Variants in THSD7A observed in about 807,000 individuals in gnomAD.
THSD7A encodes the protein thrombospondin type 1 domain containing 7A.
THSD7A carries 96 observed loss-of-function variants against 231.3 expected under a neutral mutation model. The observed-to-expected ratio is 0.41, with a 90% CI of 0.35 to 0.49. THSD7A has a LOEUF of 0.49. Among genes scored for constraint, THSD7A ranks in the 20% least tolerant of loss-of-function variants. THSD7A has a pLI of 0.05. For synonymous variants in THSD7A, 940 were observed against 743.3 expected, an observed-to-expected ratio of 1.26 and a Z score of -4.30; for missense variants, 2,290 against 2,070.2, an observed-to-expected ratio of 1.11 and a Z score of -2.06.
intron 6 of THSD7A, among the ~76,000 whole-genome samples, chr7:11,503,907 C>A (rs1201695383): frequency 2.0e-5 from 3 of 152,102 alleles, no homozygotes; most frequent in Non-Finnish European, 4.4e-5. Flanking sequence ...ATGGTGGTTC[C>A]TCAAAGAGCT....
chr7:11,394,373 G>C, intron 23 of THSD7A, among the ~76,000 whole-genome samples: 1 of 152,072 alleles, frequency 6.6e-6, no homozygotes, highest in East Asian at 1.9e-4. Flanking sequence ...AATATTGAAA[G>C]AAAAAACTGG....
At chr7:11,388,010 T>G (rs1418866437) in intron 23 of THSD7A, among the ~76,000 whole-genome samples, 2 of 152,206 alleles carry the variant, frequency 1.3e-5, no homozygotes, top group African/African-American at 4.8e-5. Context: ...TGTTTATTGA[T>G]GTACGTATGT....
intron 2 of THSD7A, among the ~76,000 whole-genome samples, chr7:11,594,066 C>G (rs115638652): frequency 6.6e-6 from 1 of 152,086 alleles, no homozygotes; most frequent in Non-Finnish European, 1.5e-5. Flanking sequence ...GCTGCCAATG[C>G]GGCTAGAATA....
At chr7:11,735,812 G>T (rs1320633170) in intron 1 of THSD7A, among the ~76,000 whole-genome samples, 1 of 151,844 alleles carries the variant, frequency 6.6e-6, no homozygotes, top group Non-Finnish European at 1.5e-5. Context: ...ACATTATGAG[G>T]AATGCTTTAT....
chr7:11,787,965 A>T (rs1783840836), intron 1 of THSD7A, among the ~76,000 whole-genome samples: 1 of 152,086 alleles, frequency 6.6e-6, no homozygotes, highest in Non-Finnish European at 1.5e-5. Flanking sequence ...CATGTTACCA[A>T]TGCCTGCTGG....
chr7:11,742,779 A>G (rs893531025), intron 1 of THSD7A, among the ~76,000 whole-genome samples: 1 of 151,922 alleles, frequency 6.6e-6, no homozygotes, highest in African/African-American at 2.4e-5. Flanking sequence ...CAGATCAGAC[A>G]GAGGAAGCCA....
At chr7:11,414,933 T>C (rs1347477867) in intron 17 of THSD7A, among the ~76,000 whole-genome samples, 1 of 152,180 alleles carries the variant, frequency 6.6e-6, no homozygotes, top group Non-Finnish European at 1.5e-5. Context: ...AAAAGCTTAG[T>C]TGGTATCTGT....
chr7:11,783,474 A>AT (rs1783695038), intron 1 of THSD7A, among the ~76,000 whole-genome samples: 1 of 152,188 alleles, frequency 6.6e-6, no homozygotes, highest in Non-Finnish European at 1.5e-5. Context: ...AATCAGAACC[A>AT]TATGTATACC....
rs904329597 is a variant in THSD7A at position 11,394,321 on chromosome 7, T to G, written c.4411+7474A>C. Among the ~76,000 whole-genome samples the G allele has an allele frequency of 5.3e-5, 8 of 152,152 alleles. No individual in the cohort carries two copies. In the East Asian group the frequency reaches 1.5e-3, roughly 29 times the overall value. On this transcript the variant is annotated intron_variant, in intron 23 of 27. Coordinates refer to ENST00000423059, the MANE Select transcript of THSD7A (RefSeq NM_015204.3). ...ACAGACAAGCAAGTGCTGAGAGATTTTGTCACCAGCAGGCCTGCAAGAGCT... is the reference window on the plus strand; with the variant it reads ...ACAGACAAGCAAGTGCTGAGAGATTGTGTCACCAGCAGGCCTGCAAGAGCT...
intron 1 of THSD7A, among the ~76,000 whole-genome samples, chr7:11,727,457 G>A (rs988952278): frequency 2.0e-5 from 3 of 151,752 alleles, no homozygotes; most frequent in African/African-American, 7.3e-5. Flanking sequence ...GATCCAGTGG[G>A]GAATAAGTTA....
chr7:11,487,078 C>T (rs919248555), intron 6 of THSD7A, among the ~76,000 whole-genome samples: 1 of 152,158 alleles, frequency 6.6e-6, no homozygotes, highest in Non-Finnish European at 1.5e-5. Flanking sequence ...AAAATGTTTT[C>T]ATAATCCACT....
chr7:11,591,939 A>G (rs1050129323), intron 3 of THSD7A, among the ~76,000 whole-genome samples: 1 of 152,186 alleles, frequency 6.6e-6, no homozygotes, highest in African/African-American at 2.4e-5. Flanking sequence ...TTCTATGAAA[A>G]ATGCTTCCCC....
intron 1 of THSD7A, among the ~76,000 whole-genome samples, chr7:11,775,887 A>G (rs2355085): frequency 0.21 from 31,208 of 152,124 alleles, 3,456 homozygotes; most frequent in South Asian, 0.29. Context: ...ATCAAACTAA[A>G]TATTCCATAA....
intron 4 of THSD7A, among the ~76,000 whole-genome samples, chr7:11,585,692 G>A (rs1041663721): frequency 6.6e-5 from 10 of 152,244 alleles, no homozygotes; most frequent in Non-Finnish European, 1.2e-4. Context: ...GGTGGCCAGA[G>A]CCTATTCCGT....
At chr7:11,689,092 T>A (rs2128141422) in intron 1 of THSD7A, among the ~76,000 whole-genome samples, 1 of 151,970 alleles carries the variant, frequency 6.6e-6, no homozygotes, top group South Asian at 2.1e-4. Context: ...AGAAAAAATA[T>A]TTAAGATTTG....
chr7:11,577,473 C>T (rs1262739544), intron 4 of THSD7A, among the ~76,000 whole-genome samples: 3 of 151,938 alleles, frequency 2.0e-5, no homozygotes, highest in Non-Finnish European at 2.9e-5. Context: ...TGTGCCACCA[C>T]ACCCAGCTAA....
At chr7:11,759,151 A>T (rs1380467143) in intron 1 of THSD7A, among the ~76,000 whole-genome samples, 2 of 152,112 alleles carry the variant, frequency 1.3e-5, no homozygotes, top group Admixed American at 6.6e-5. Flanking sequence ...CCATGAGTGA[A>T]AGTCAGTAAA....
intron 1 of THSD7A, among the ~76,000 whole-genome samples, chr7:11,733,816 T>C (rs534035127): frequency 6.6e-6 from 1 of 152,034 alleles, no homozygotes; most frequent in African/African-American, 2.4e-5. Context: ...ATGATCTAGT[T>C]GATATACAAA....
intron 15 of THSD7A, among the ~76,000 whole-genome samples, chr7:11,425,305 C>T (rs1562599565): frequency 6.6e-6 from 1 of 151,982 alleles, no homozygotes; most frequent in Admixed American, 6.6e-5. Context: ...GGCCTATTTT[C>T]CAGATAACTA....
Sources: gnomAD v4.1 joint callset for allele counts (sites outside exome capture counted in the v4.1 genomes callset) on GRCh38, gnomAD v4.1.1 for gene constraint, MANE v1.5 for transcripts, NCBI Gene and HGNC (gene_info 2026-07-23, HGNC 2026-07-21) for gene names.